The following PTPRD variants were observed in gnomAD, a reference collection of about 807,000 sequenced individuals.
PTPRD encodes the protein protein tyrosine phosphatase receptor type D, also known as receptor-type tyrosine-protein phosphatase delta.
Under a neutral mutation model 214.5 loss-of-function variants are expected in PTPRD, and 34 were observed. That is an observed-to-expected ratio of 0.16 (90% CI 0.12 to 0.21). The LOEUF is 0.21. PTPRD is among the 10% of genes least tolerant of loss of function. PTPRD has a pLI of 1.00. For missense variants in PTPRD, 2,545 were observed against 2,398.7 expected (o/e 1.06, Z -1.27); for synonymous variants, 1,128 against 845.7 (o/e 1.33, Z -5.79).
intron 4 of PTPRD, among the ~76,000 whole-genome samples, chr9:9,966,214 A>C (rs965861099): frequency 2.0e-5 from 3 of 152,162 alleles, no homozygotes; most frequent in Non-Finnish European, 4.4e-5. Flanking sequence ...TATTTTTCGC[A>C]ACACAAGGAA....
rs1045798325 is a variant in PTPRD, at chr9:8,497,794, T to C, written c.2323-526A>G. Among the ~76,000 whole-genome samples, 185 of 151,874 alleles carry C rather than the reference T, an allele frequency of 1.2e-3. 1 individual carries two copies. Among genetic ancestry groups the C allele is most frequent in the African/African-American group, 3.8e-3 (159 of 41,402 alleles). Reference sequence around the variant, plus strand: ...AAGAAGAAGAGAAAAAAAGACAGAGTTCACATTTAATGCATTTGGTATTAT... The same window carrying C: ...AAGAAGAAGAGAAAAAAAGACAGAGCTCACATTTAATGCATTTGGTATTAT... On this transcript the variant is annotated intron_variant, in intron 25 of 45. Coordinates refer to ENST00000381196, the MANE Select transcript of PTPRD (RefSeq NM_002839.4).
intron 11 of PTPRD, among the ~76,000 whole-genome samples, chr9:8,829,915 C>T (rs1201665155): frequency 6.6e-6 from 1 of 152,070 alleles, no homozygotes; most frequent in African/African-American, 2.4e-5. Context: ...TATGAAACCT[C>T]TTCATTAACT....
chr9:9,567,891 G>C (rs1161795245), intron 8 of PTPRD, among the ~76,000 whole-genome samples: 4 of 151,946 alleles, frequency 2.6e-5, no homozygotes, highest in Non-Finnish European at 4.4e-5. Flanking sequence ...ATAGGCAGAA[G>C]AGTGGGGATT....
At chr9:10,564,171 CTTTTT>C (rs71332760) in intron 2 of PTPRD, among the ~76,000 whole-genome samples, 4 of 29,408 alleles carry the variant, frequency 1.4e-4, no homozygotes, top group Admixed American at 6.5e-4. Context: ...CTAGGCTATT[CTTTTT>C]TTTTTTTTTT....
chr9:8,467,967 AC>A (rs1323705335), intron 31 of PTPRD, among the ~76,000 whole-genome samples: 2 of 151,936 alleles, frequency 1.3e-5, no homozygotes, highest in African/African-American at 4.8e-5. Context: ...TGTTTATGTG[AC>A]TGTGTCCCCT....
intron 3 of PTPRD, among the ~76,000 whole-genome samples, chr9:10,208,284 G>A (rs1447276273): frequency 6.6e-6 from 1 of 152,224 alleles, no homozygotes; most frequent in African/African-American, 2.4e-5. Flanking sequence ...GGTGGCCGAG[G>A]AGGGCGGATC....
chr9:9,037,650 T>C (rs2099626212), intron 10 of PTPRD, among the ~76,000 whole-genome samples: 1 of 152,188 alleles, frequency 6.6e-6, no homozygotes, highest in Non-Finnish European at 1.5e-5. Context: ...CTTGGAATGA[T>C]TCTCTTTGTC....
intron 12 of PTPRD, among the ~76,000 whole-genome samples, chr9:8,689,271 G>C (rs1331530996): frequency 1.3e-5 from 2 of 152,190 alleles, no homozygotes; most frequent in East Asian, 3.8e-4. Flanking sequence ...ATCAGAGTAA[G>C]AGTATATGAC....
Position 9,980,866 on chromosome 9 carries a change from T to TAAA in PTPRD, c.-471-42259_-471-42257dup, listed in dbSNP as rs71321206. ...TTTAAATGTTCAAGCTTGTTTGCAA[T>TAAA]AAAAAATGCTAATTTAACCATGTTA... On this transcript the variant is annotated intron_variant, in intron 4 of 45. Coordinates refer to ENST00000381196, the MANE Select transcript of PTPRD (RefSeq NM_002839.4). Among the ~76,000 whole-genome samples, 108 of 151,646 alleles carry TAAA rather than the reference T, an allele frequency of 7.1e-4. No homozygotes were observed. The East Asian group carries it at 0.015, about 21-fold the overall frequency.
At chr9:10,476,898 T>A (rs535437256) in intron 2 of PTPRD, among the ~76,000 whole-genome samples, 1 of 152,252 alleles carries the variant, frequency 6.6e-6, no homozygotes, top group South Asian at 2.1e-4. Context: ...GAATTCCTTA[T>A]TTAATAAATG....
intron 36 of PTPRD, among the ~76,000 whole-genome samples, chr9:8,391,834 C>T (rs1037571657): frequency 2.6e-5 from 4 of 152,082 alleles, no homozygotes; most frequent in African/African-American, 9.7e-5. Flanking sequence ...GGAGGAGATG[C>T]ACAGGAGAAT....
chr9:9,349,106 G>C (rs983283793), intron 9 of PTPRD, among the ~76,000 whole-genome samples: 1 of 151,946 alleles, frequency 6.6e-6, no homozygotes, highest in Admixed American at 6.6e-5. Flanking sequence ...AAAATCAGTA[G>C]GTCAGTGGGG....
chr9:10,180,874 A>G (rs1320137909), intron 3 of PTPRD, among the ~76,000 whole-genome samples: 1 of 152,040 alleles, frequency 6.6e-6, no homozygotes, highest in East Asian at 1.9e-4. Context: ...AATATTAATG[A>G]TGGAAAAGAA....
At chr9:9,865,479 G>A (rs1490390736) in intron 5 of PTPRD, among the ~76,000 whole-genome samples, 2 of 152,136 alleles carry the variant, frequency 1.3e-5, no homozygotes, top group Non-Finnish European at 2.9e-5. Flanking sequence ...GACACTCTGT[G>A]TCACCTAGGG....
intron 7 of PTPRD, among the ~76,000 whole-genome samples, chr9:9,734,247 T>G (rs547671155): frequency 6.6e-6 from 1 of 152,286 alleles, no homozygotes; most frequent in Non-Finnish European, 1.5e-5. Context: ...ACGAACTCTT[T>G]CAGTGGGGAT....
chr9:9,131,113 G>T (rs953706373), intron 10 of PTPRD, among the ~76,000 whole-genome samples: 15 of 152,128 alleles, frequency 9.9e-5, no homozygotes, highest in Non-Finnish European at 1.9e-4. Context: ...TTGAAGTTAG[G>T]AGTAAAAAGT....
At chr9:9,113,072 C>A in intron 10 of PTPRD, among the ~76,000 whole-genome samples, 1 of 151,710 alleles carries the variant, frequency 6.6e-6, no homozygotes, top group East Asian at 1.9e-4. Flanking sequence ...CCAAGTGATC[C>A]TCCTCCCTCA....
At chr9:9,813,458 T>C (rs926125983) in intron 5 of PTPRD, among the ~76,000 whole-genome samples, 1 of 151,986 alleles carries the variant, frequency 6.6e-6, no homozygotes, top group African/African-American at 2.4e-5. Flanking sequence ...ACTTATGCCA[T>C]AGTAATACAA....
At chr9:10,101,450 T>C (rs1159622430) in intron 3 of PTPRD, among the ~76,000 whole-genome samples, 2 of 151,602 alleles carry the variant, frequency 1.3e-5, no homozygotes, top group South Asian at 2.1e-4. Context: ...TCACCTTCCA[T>C]CCTCTGCTAG....
Sources: allele counts gnomAD v4.1 joint callset (sites outside exome capture counted in the v4.1 genomes callset), GRCh38; gene constraint gnomAD v4.1.1; transcripts MANE v1.5; gene names NCBI Gene and HGNC (gene_info 2026-07-23, HGNC 2026-07-21).